PEX7: variants seen among roughly 807,000 people sequenced by gnomAD.
The protein encoded by PEX7 is PTS2 receptor.
In PEX7, 34 loss-of-function variants were observed where a neutral mutation model predicts 47.5. The ratio of observed to expected loss-of-function variants is 0.72; its 90% confidence interval spans 0.54 to 0.95. The LOEUF (loss-of-function observed/expected upper bound fraction) is 0.95. PEX7 is among the 40% of genes least tolerant of loss of function. The pLI is 0.00. For synonymous variants in PEX7, 141 were observed against 148.8 expected (o/e 0.95, Z 0.38); for missense variants, 394 against 400.3 (o/e 0.98, Z 0.13).
chr6:136,872,912 A>G (rs753846973), intron 8 of PEX7, among the ~76,000 whole-genome samples: 1 of 152,172 alleles, frequency 6.6e-6, no homozygotes, highest in Non-Finnish European at 1.5e-5. Context: ...GAAAAAAACA[A>G]TCTTACTAAT....
At chr6:136,903,242 C>G (rs1370616924) in intron 9 of PEX7, among the ~76,000 whole-genome samples, 2 of 152,124 alleles carry the variant, frequency 1.3e-5, no homozygotes, top group Non-Finnish European at 2.9e-5. Context: ...CTTCCCAAAT[C>G]TGAACCCCTC....
intron 5 of PEX7, among the ~76,000 whole-genome samples, chr6:136,856,725 T>G (rs1411419693): frequency 6.6e-6 from 1 of 152,102 alleles, no homozygotes; most frequent in African/African-American, 2.4e-5. Context: ...CAACATGGAT[T>G]GAGGATGGAA....
chr6:136,858,582 A>G (rs536680669), intron 5 of PEX7, among the ~76,000 whole-genome samples: 5 of 152,340 alleles, frequency 3.3e-5, no homozygotes, highest in African/African-American at 1.2e-4. Context: ...CCTGGGAGAT[A>G]CATTTTTAAA....
At chr6:136,910,922 C>T (rs1162409074) in intron 9 of PEX7, among the ~76,000 whole-genome samples, 1 of 152,132 alleles carries the variant, frequency 6.6e-6, no homozygotes, top group Non-Finnish European at 1.5e-5. Context: ...GAACAACTAT[C>T]AACATTCTTA....
chr6:136,907,365 G>A (rs575447212), intron 9 of PEX7, among the ~76,000 whole-genome samples: 1 of 152,188 alleles, frequency 6.6e-6, no homozygotes, highest in South Asian at 2.1e-4. Flanking sequence ...ATTCTCTCCT[G>A]TAGTCACTTT....
At chr6:136,899,572 G>A (rs1192506033) in intron 9 of PEX7, among the ~76,000 whole-genome samples, 1 of 151,736 alleles carries the variant, frequency 6.6e-6, no homozygotes, top group African/African-American at 2.4e-5. Context: ...TAGAGATGGG[G>A]TTTCACCATG....
intron 8 of PEX7, among the ~76,000 whole-genome samples, chr6:136,882,052 T>C (rs958765475): frequency 4.6e-5 from 7 of 152,178 alleles, no homozygotes; most frequent in African/African-American, 1.7e-4. Flanking sequence ...TTTATTAATG[T>C]GTAATATGGC....
chr6:136,823,147 C>G (rs866525361), intron 1 of PEX7: 1 of 985,270 alleles, frequency 1.0e-6, no homozygotes, highest in Non-Finnish European at 1.2e-6. Flanking sequence ...TTGGATCGGT[C>G]CGCTCGGCAC....
chr6:136,833,163 G>A (rs1774324298), intron 3 of PEX7, among the ~76,000 whole-genome samples: 2 of 152,178 alleles, frequency 1.3e-5, no homozygotes, highest in Non-Finnish European at 2.9e-5. Flanking sequence ...AGTTCTGCAT[G>A]ACTGGGGAGG....
intron 5 of PEX7, among the ~76,000 whole-genome samples, chr6:136,848,271 A>G (rs1016091912): frequency 2.0e-5 from 3 of 152,162 alleles, no homozygotes; most frequent in Non-Finnish European, 4.4e-5. Context: ...CTAAATACAC[A>G]ATCATGTCAT....
At chr6:136,832,654 T>G (rs567980994) in intron 3 of PEX7, among the ~76,000 whole-genome samples, 1 of 152,332 alleles carries the variant, frequency 6.6e-6, no homozygotes, top group Non-Finnish European at 1.5e-5. Flanking sequence ...GACTATACAC[T>G]TTTAGAAACA....
At chr6:136,847,742 C>T (rs1030723349) in intron 5 of PEX7, among the ~76,000 whole-genome samples, 8 of 152,232 alleles carry the variant, frequency 5.3e-5, no homozygotes, top group African/African-American at 1.9e-4. Flanking sequence ...GTTTTGATTA[C>T]TGTAGCCTTG....
chr6:136,827,381 G>T (rs1287730581), intron 3 of PEX7, among the ~76,000 whole-genome samples: 1 of 152,152 alleles, frequency 6.6e-6, no homozygotes, highest in Non-Finnish European at 1.5e-5. Context: ...TGTTTTCAGG[G>T]AATTACTGAA....
At chr6:136,866,307 T>A (rs978461062) in intron 5 of PEX7, among the ~76,000 whole-genome samples, 7 of 152,154 alleles carry the variant, frequency 4.6e-5, no homozygotes, top group Non-Finnish European at 5.9e-5. Flanking sequence ...GTGATCACTT[T>A]ATTTCCTAAC....
intron 8 of PEX7, among the ~76,000 whole-genome samples, chr6:136,897,807 G>A (rs1173147603): frequency 1.3e-5 from 2 of 152,066 alleles, no homozygotes; most frequent in Non-Finnish European, 2.9e-5. Context: ...TGCTACAAAA[G>A]CATACTATCA....
intron 7 of PEX7, among the ~76,000 whole-genome samples, chr6:136,871,183 A>G (rs1454486585): frequency 6.6e-6 from 1 of 152,220 alleles, no homozygotes; most frequent in African/African-American, 2.4e-5. Context: ...TAATGTAGTG[A>G]AAGTACTTTG....
At chr6:136,895,536 G>A (rs886908936) in intron 8 of PEX7, among the ~76,000 whole-genome samples, 1 of 152,094 alleles carries the variant, frequency 6.6e-6, no homozygotes, top group Non-Finnish European at 1.5e-5. Context: ...TCCATTTACT[G>A]CTCTGGGTTT....
chr6:136,912,447 AGTT>A (rs1222134223), intron 9 of PEX7, among the ~76,000 whole-genome samples: 1 of 151,748 alleles, frequency 6.6e-6, no homozygotes, highest in East Asian at 1.9e-4. Context: ...ATGGATATTC[AGTT>A]GTTCTGCCAC....
chr6:136,860,751 A>G (rs1458575900), intron 5 of PEX7, among the ~76,000 whole-genome samples: 12 of 152,118 alleles, frequency 7.9e-5, no homozygotes, highest in African/African-American at 2.7e-4. Flanking sequence ...TTATTGAAGT[A>G]TAATACACAT....
Sources: allele counts gnomAD v4.1 joint callset (sites outside exome capture counted in the v4.1 genomes callset), GRCh38; gene constraint gnomAD v4.1.1; transcripts MANE v1.5; gene names NCBI Gene and HGNC (gene_info 2026-07-23, HGNC 2026-07-21).